The following ACSS1 variants were observed in gnomAD, a reference collection of about 807,000 sequenced individuals.
The protein encoded by ACSS1 is acetyl-coenzyme A synthetase 2-like, mitochondrial.
ACSS1 carries 42 observed loss-of-function variants against 75.3 expected under a neutral mutation model. That is an observed-to-expected ratio of 0.56 (90% CI 0.44 to 0.72). The LOEUF is 0.72. Ranked by LOEUF, ACSS1 falls within the 30% of genes least tolerant of loss-of-function variation. The probability of loss-of-function intolerance (pLI) is 0.00; values close to 1 mark genes in which losing one functional copy is unlikely to be tolerated. For synonymous variants in ACSS1, 380 were observed against 376.8 expected, an observed-to-expected ratio of 1.01 and a Z score of -0.10; for missense variants, 782 against 935.7, an observed-to-expected ratio of 0.84 and a Z score of 2.14.
intron 7 of ACSS1, among the ~76,000 whole-genome samples, chr20:25,015,783 G>A (rs1468137032): frequency 6.6e-6 from 1 of 152,214 alleles, no homozygotes; most frequent in Non-Finnish European, 1.5e-5. Flanking sequence ...GGGAAAACAG[G>A]ATTTCACAGA....
At chr20:25,049,778 A>T (rs1406714688) in intron 1 of ACSS1, among the ~76,000 whole-genome samples, 4 of 152,036 alleles carry the variant, frequency 2.6e-5, no homozygotes, top group African/African-American at 9.7e-5. Flanking sequence ...GGCCAAGGTC[A>T]CACAGAGGCA....
chr20:25,030,715 C>G (rs775813500), intron 3 of ACSS1, 44 bp downstream of exon 3: 1 of 1,605,894 alleles, frequency 6.2e-7, no homozygotes, highest in East Asian at 2.2e-5. Flanking sequence ...GAACAAGGAT[C>G]AGGGAACTCC....
rs186696740 is a variant in ACSS1, at chr20:25,048,001, C to T, written c.431+84G>A. On this transcript the variant is annotated intron_variant, in intron 2 of 13. Coordinates refer to ENST00000323482, the MANE Select transcript of ACSS1 (RefSeq NM_032501.4). The stretch of plus-strand genomic sequence containing the variant: ...CAAAATGCACTCCCTGAGACTCAGA[C>T]GGCCCCTCCCTGACAGCCAGACTCA... The T allele has an allele frequency of 1.4e-5, 17 of 1,240,654 alleles. No homozygotes were observed. The East Asian group carries it at 2.4e-4, about 17-fold the overall frequency. The allele number at this position is 1,240,654 out of a possible 1,614,324, so 76.9% of individuals were successfully genotyped here. A position where few individuals can be genotyped will look rare whatever the true frequency, so the allele number is the denominator to read the frequency against.
chr20:25,029,854 T>G (rs140811539), intron 3 of ACSS1, among the ~76,000 whole-genome samples: 1 of 152,342 alleles, frequency 6.6e-6, no homozygotes, highest in African/African-American at 2.4e-5. Flanking sequence ...AATAATAGTA[T>G]TATTGCATAA....
chr20:25,009,678 T>C (rs985861977), intron 12 of ACSS1: 15 of 417,182 alleles, frequency 3.6e-5, no homozygotes, highest in Admixed American at 2.0e-4. Context: ...ACCTGGGACA[T>C]GGGACCTCCC....
chr20:25,017,058 T>C (rs2088530682), intron 7 of ACSS1, among the ~76,000 whole-genome samples: 1 of 151,372 alleles, frequency 6.6e-6, no homozygotes, highest in East Asian at 1.9e-4. Flanking sequence ...AGTGGCATGA[T>C]CATGGCTCAC....
chr20:25,019,153 T>G (rs568825101), intron 7 of ACSS1, among the ~76,000 whole-genome samples: 1 of 152,336 alleles, frequency 6.6e-6, no homozygotes, highest in East Asian at 1.9e-4. Context: ...CCCTGCATGC[T>G]TCCCCAGTGA....
At chr20:25,032,587 A>G (rs2088845599) in intron 2 of ACSS1, 2 of 1,242,188 alleles carry the variant, frequency 1.6e-6, no homozygotes, top group African/African-American at 3.1e-5. Flanking sequence ...GCAGACCACC[A>G]GCCCGCGACC....
At chr20:25,050,495 T>A (rs1449577424) in intron 1 of ACSS1, among the ~76,000 whole-genome samples, 1 of 152,036 alleles carries the variant, frequency 6.6e-6, no homozygotes, top group Non-Finnish European at 1.5e-5. Flanking sequence ...CCCACTCTCA[T>A]ATCTGAAAAG....
Position 25,009,383 on chromosome 20 carries a change from AG to A in ACSS1, c.1776del (p.Phe593LeufsTer6). ...GYPHDIKGEA[A>X]FAFIVVKDSA... is the part of the protein sequence containing the mutation. ...CTATCTTTCACCACAATGAAGGCAA[AG>A]GCAGCTGAAAATAAAGCCAAGTTTG... On this transcript the variant is annotated frameshift_variant, in exon 13 of 14. Coordinates refer to ENST00000323482, the MANE Select transcript of ACSS1 (RefSeq NM_032501.4). LOFTEE classifies it high-confidence loss of function. 1 of 1,613,892 alleles carries A rather than the reference AG, an allele frequency of 6.2e-7. No homozygotes were observed. The highest frequency in any genetic ancestry group is 8.5e-7 in the Non-Finnish European group (1 of 1,179,732).
At chr20:25,045,217 G>A (rs532880412) in intron 2 of ACSS1, among the ~76,000 whole-genome samples, 3 of 152,302 alleles carry the variant, frequency 2.0e-5, no homozygotes, top group South Asian at 2.1e-4. Flanking sequence ...AGTCACACCC[G>A]GGGAGATTAG....
At chr20:25,022,305 G>A (rs2088636954) in intron 5 of ACSS1, among the ~76,000 whole-genome samples, 1 of 152,120 alleles carries the variant, frequency 6.6e-6, no homozygotes, top group African/African-American at 2.4e-5. Context: ...AGGTTGCAGT[G>A]ATCTGAGATC....
intron 2 of ACSS1, among the ~76,000 whole-genome samples, chr20:25,039,796 T>C (rs2088972467): frequency 6.6e-6 from 1 of 152,264 alleles, no homozygotes; most frequent in South Asian, 2.1e-4. Context: ...TAACGCCTGG[T>C]TTTCCCTTCG....
intron 1 of ACSS1, among the ~76,000 whole-genome samples, chr20:25,053,694 A>T (rs1160527279): frequency 6.6e-6 from 1 of 152,196 alleles, no homozygotes; most frequent in East Asian, 1.9e-4. Context: ...CAGAGAGGAA[A>T]CTACAGCAAA....
rs1281734011 is a variant in ACSS1, at chr20:25,030,759, C to T, written c.631G>A (p.Ala211Thr). 1.2e-6 allele frequency: 2 copies of T among 1,614,000 alleles called. No homozygotes were observed. The highest frequency in any genetic ancestry group is 1.7e-6 in the Non-Finnish European group (2 of 1,179,936). The change falls in exon 3 of 14, where the codon GCC becomes ACC. Residue 211 changes from alanine to threonine, a missense_variant and splice_region_variant. Transcript: ENST00000323482. The part of the protein sequence containing the change: ...AESLAGRIND[A>T]KCKVVITFNQ... ...TCCCTCCCCATGCCCACCTCCTCAC[C>T]ATCATTGATCCTCCCAGCCAAGGAC...
intron 7 of ACSS1, among the ~76,000 whole-genome samples, chr20:25,019,346 T>G (rs186938653): frequency 6.6e-6 from 1 of 152,216 alleles, no homozygotes; most frequent in Non-Finnish European, 1.5e-5. Context: ...AATGTTTCCA[T>G]GTGATTTGGC....
chr20:25,007,867 C>T lies in ACSS1; in HGVS notation c.1965G>A (p.Glu655=), dbSNP rs147192886. 6.1e-5 allele frequency: 98 copies of T among 1,614,194 alleles called. No individual in the cohort carries two copies. In the African/African-American group the frequency reaches 1.2e-3, roughly 20 times the overall value. The part of the protein sequence containing the change: ...RRLLRKIITS[E]AQELGDTTTL... ...TGGTAGTGTCTCCCAGCTCCTGGGC[C>T]TCACTAGTGATGATCTTCCTCAGGA... The change falls in exon 14 of 14, where the codon GAG becomes GAA. Residue 655 remains glutamate, a synonymous_variant. Transcript: ENST00000323482.
intron 2 of ACSS1, among the ~76,000 whole-genome samples, chr20:25,044,892 A>C (rs925544473): frequency 1.3e-5 from 2 of 152,196 alleles, no homozygotes; most frequent in African/African-American, 4.8e-5. Context: ...AGATGGGTGC[A>C]CACGTCCCAG....
At chr20:25,028,325 G>T (rs1196914073) in intron 3 of ACSS1, among the ~76,000 whole-genome samples, 1 of 152,140 alleles carries the variant, frequency 6.6e-6, no homozygotes, top group East Asian at 1.9e-4. Context: ...GAAGAACAAA[G>T]TTGGGAGACT....
Sources: gnomAD v4.1 joint callset for allele counts (sites outside exome capture counted in the v4.1 genomes callset) on GRCh38, gnomAD v4.1.1 for gene constraint, MANE v1.5 for transcripts, NCBI Gene and HGNC (gene_info 2026-07-23, HGNC 2026-07-21) for gene names.